DLGAP1: variants seen among roughly 807,000 people sequenced by gnomAD.
DLGAP1 encodes the protein DLG associated protein 1.
In DLGAP1, 11 loss-of-function variants were observed where a neutral mutation model predicts 90.8. That is an observed-to-expected ratio of 0.12 (90% CI 0.08 to 0.20). DLGAP1 has a LOEUF of 0.20. Among genes scored for constraint, DLGAP1 ranks in the 10% least tolerant of loss-of-function variants. The probability of loss-of-function intolerance (pLI) is 1.00; values close to 1 mark genes in which losing one functional copy is unlikely to be tolerated. For missense variants in DLGAP1, 1,050 were observed against 1,333.8 expected, an observed-to-expected ratio of 0.79 and a Z score of 3.31; for synonymous variants, 558 against 540.7, an observed-to-expected ratio of 1.03 and a Z score of -0.44.
At chr18:4,351,115 T>C (rs1052887988) in intron 1 of DLGAP1, among the ~76,000 whole-genome samples, 7 of 152,214 alleles carry the variant, frequency 4.6e-5, no homozygotes, top group Admixed American at 2.0e-4. Context: ...ACTCACCCAG[T>C]TCTGCCTTTA....
chr18:3,836,416 T>G (rs2068384021), intron 4 of DLGAP1, among the ~76,000 whole-genome samples: 1 of 152,228 alleles, frequency 6.6e-6, no homozygotes, highest in African/African-American at 2.4e-5. Context: ...TGCAACATTT[T>G]AATCTTCAGT....
chr18:4,419,639 G>C (rs1019676627), intron 1 of DLGAP1, among the ~76,000 whole-genome samples: 1 of 132,244 alleles, frequency 7.6e-6, no homozygotes, highest in African/African-American at 2.8e-5. Flanking sequence ...AAAATAATAA[G>C]ATAAAGGATG....
chr18:3,695,176 C>T (rs1298249240), intron 7 of DLGAP1, among the ~76,000 whole-genome samples: 1 of 151,972 alleles, frequency 6.6e-6, no homozygotes, highest in Non-Finnish European at 1.5e-5. Flanking sequence ...TATCCCCTGA[C>T]CTCATGGTCC....
At chr18:3,611,666 G>A (rs1454537062) in intron 7 of DLGAP1, among the ~76,000 whole-genome samples, 1 of 152,144 alleles carries the variant, frequency 6.6e-6, no homozygotes, top group Non-Finnish European at 1.5e-5. Flanking sequence ...GCGTTTCTCA[G>A]GGCTTGTATG....
chr18:4,196,065 C>A lies in DLGAP1; in HGVS notation c.-266-44778G>T, dbSNP rs115939190. 2.3e-3 allele frequency among the ~76,000 whole-genome samples: 353 copies of A among 152,290 alleles called. 1 individual carries two copies. Among genetic ancestry groups the A allele is most frequent in the African/African-American group, 8.1e-3 (338 of 41,568 alleles). ...AAAGAAAATCCACATGGGACTGGTG[C>A]TCCTTCATCCAGTGCTTCATTCAAT... On this transcript the variant is annotated intron_variant, in intron 1 of 12. Coordinates refer to ENST00000315677, the MANE Select transcript of DLGAP1 (RefSeq NM_004746.4).
chr18:3,765,117 C>CTTTTTTTTTTTTTTTTTTTT (rs921982904), intron 5 of DLGAP1, among the ~76,000 whole-genome samples: 1 of 126,412 alleles, frequency 7.9e-6, no homozygotes, highest in African/African-American at 3.0e-5. Flanking sequence ...CACTTGCAAA[C>CTTTTTTTTTTTTTTTTTTTT]TTTTTTTTTT....
At chr18:4,003,737 G>C (rs1252324700) in intron 3 of DLGAP1, among the ~76,000 whole-genome samples, 1 of 152,048 alleles carries the variant, frequency 6.6e-6, no homozygotes, top group Non-Finnish European at 1.5e-5. Flanking sequence ...AGCAGCAAGT[G>C]GATGCTGGAA....
At chr18:4,082,329 A>G (rs11873453) in intron 2 of DLGAP1, among the ~76,000 whole-genome samples, 40,179 of 132,954 alleles carry the variant, frequency 0.3, 6,193 homozygotes, top group Non-Finnish European at 0.34. Flanking sequence ...GCGACAGAAC[A>G]AGACTCCATC....
At chr18:4,086,167 G>A (rs1430572096) in intron 2 of DLGAP1, among the ~76,000 whole-genome samples, 15 of 152,102 alleles carry the variant, frequency 9.9e-5, no homozygotes, top group Admixed American at 2.6e-4. Flanking sequence ...GTGGTAGGAC[G>A]GGAGTGGGGT....
chr18:3,717,762 G>A (rs144640534), intron 7 of DLGAP1, among the ~76,000 whole-genome samples: 1 of 152,266 alleles, frequency 6.6e-6, no homozygotes, highest in East Asian at 1.9e-4. Context: ...GATATTCATG[G>A]GGCAAATTCT....
intron 3 of DLGAP1, among the ~76,000 whole-genome samples, chr18:3,910,602 A>T (rs1396440538): frequency 6.6e-6 from 1 of 152,170 alleles, no homozygotes; most frequent in East Asian, 1.9e-4. Flanking sequence ...GAACTCCAGA[A>T]CAATGAAAAC....
intron 6 of DLGAP1, among the ~76,000 whole-genome samples, chr18:3,740,307 C>T (rs983601064): frequency 1.3e-5 from 2 of 152,030 alleles, no homozygotes; most frequent in African/African-American, 4.8e-5. Context: ...AAAACAAGTC[C>T]AAAATGCACC....
intron 2 of DLGAP1, among the ~76,000 whole-genome samples, chr18:4,133,110 G>A (rs55999045): frequency 0.021 from 3,146 of 152,252 alleles, 46 homozygotes; most frequent in Non-Finnish European, 0.034. Flanking sequence ...CACCCTAAGC[G>A]CTTTGAGTAG....
intron 2 of DLGAP1, among the ~76,000 whole-genome samples, chr18:4,065,197 A>G (rs1447262069): frequency 2.6e-5 from 4 of 152,052 alleles, no homozygotes; most frequent in Non-Finnish European, 5.9e-5. Flanking sequence ...TAAGCAACAT[A>G]TATAATAAAC....
chr18:4,108,569 G>A (rs1348992374), intron 2 of DLGAP1, among the ~76,000 whole-genome samples: 1 of 149,168 alleles, frequency 6.7e-6, no homozygotes, highest in Non-Finnish European at 1.5e-5. Flanking sequence ...TCTTGTATTT[G>A]TCCTATTTGA....
At chr18:4,017,647 C>T (rs543377193) in intron 2 of DLGAP1, among the ~76,000 whole-genome samples, 1 of 152,324 alleles carries the variant, frequency 6.6e-6, no homozygotes, top group South Asian at 2.1e-4. Flanking sequence ...CTTGCAAGGG[C>T]CCTCCAGGGT....
intron 3 of DLGAP1, among the ~76,000 whole-genome samples, chr18:3,951,189 C>T (rs191941977): frequency 3.2e-4 from 48 of 152,274 alleles, no homozygotes; most frequent in African/African-American, 1.0e-3. Context: ...AACATTCTAA[C>T]CAGAACAAAA....
intron 1 of DLGAP1, among the ~76,000 whole-genome samples, chr18:4,189,423 A>G (rs2077355389): frequency 6.6e-6 from 1 of 152,176 alleles, no homozygotes. Flanking sequence ...CACAACCAAC[A>G]GGTCATCTAA....
At chr18:3,748,313 G>A (rs968371606) in intron 5 of DLGAP1, among the ~76,000 whole-genome samples, 12 of 152,356 alleles carry the variant, frequency 7.9e-5, no homozygotes, top group Non-Finnish European at 1.2e-4. Context: ...GAAGAAGAGC[G>A]TGTACAGTAA....
Sources: allele counts gnomAD v4.1 joint callset (sites outside exome capture counted in the v4.1 genomes callset), GRCh38; gene constraint gnomAD v4.1.1; transcripts MANE v1.5; gene names NCBI Gene and HGNC (gene_info 2026-07-23, HGNC 2026-07-21).